SHLD3: variants seen among roughly 807,000 people sequenced by gnomAD.
SHLD3 encodes the protein REV7-interacting novel NHEJ regulator 1.
Under a neutral mutation model 21.4 loss-of-function variants are expected in SHLD3, and 15 were observed. The ratio of observed to expected loss-of-function variants is 0.70; its 90% CI spans 0.47 to 1.08. The LOEUF (loss-of-function observed/expected upper bound fraction) is 1.08, where lower values mean the gene tolerates loss of function less well. SHLD3 is among the 50% of genes least tolerant of loss of function. The probability of loss-of-function intolerance (pLI) is 0.00; values close to 1 mark genes in which losing one functional copy is unlikely to be tolerated. For missense variants in SHLD3, 273 were observed against 286.1 expected, an observed-to-expected ratio of 0.95 and a Z score of 0.33; for synonymous variants, 103 against 97.2, an observed-to-expected ratio of 1.06 and a Z score of -0.35.
chr5:65,628,532 G>A (rs546527826), intron 1 of SHLD3, among the ~76,000 whole-genome samples: 3 of 150,750 alleles, frequency 2.0e-5, no homozygotes, highest in South Asian at 2.1e-4. Flanking sequence ...GTACGATGGC[G>A]CGATCTCAGT....
chr5:65,627,131 C>CAAA (rs60169195), intron 1 of SHLD3, among the ~76,000 whole-genome samples: 912 of 32,558 alleles, frequency 0.028, 229 homozygotes, highest in African/African-American at 0.069. Context: ...GACCCTGTCT[C>CAAA]AAAAAAAAAA....
At position 65,626,525 on chromosome 5, in the gene SHLD3, C is replaced by T. The variant is rs78545708; in HGVS notation, c.-121+1419C>T. On this transcript the variant is annotated intron_variant, in intron 1 of 1. Coordinates refer to ENST00000510585, the MANE Select transcript of SHLD3 (RefSeq NM_001365341.2). ...AGGCCAAGGCGGGTGATCACAAGGTCAAGAGATCAAGACCATCCTGGCTAA... is the reference window on the plus strand; with the variant it reads ...AGGCCAAGGCGGGTGATCACAAGGTTAAGAGATCAAGACCATCCTGGCTAA... 3.7e-3 allele frequency among the ~76,000 whole-genome samples: 567 copies of T among 152,162 alleles called. 2 individuals are homozygous for T. Among genetic ancestry groups the T allele is most frequent in the African/African-American group, 0.013 (524 of 41,514 alleles).
rs529854028 is a variant in SHLD3 at position 65,629,684 on chromosome 5, C to T, written c.97C>T (p.Arg33Cys). Residue 33 changes from arginine to cysteine, a missense_variant, in exon 2 of 2, where the codon CGT (arginine) becomes TGT (cysteine). Physicochemically the swap from Arg to Cys is radical, Grantham distance 180 (BLOSUM62 -3). Coordinates refer to ENST00000510585, the MANE Select transcript of SHLD3 (RefSeq NM_001365341.2). ...AEKAIQDFPTRPLSRFIPWFP... is the reference protein window; with the variant it reads ...AEKAIQDFPTCPLSRFIPWFP... ...AAAAGCAATTCAAGACTTTCCTACT[C>T]GTCCGCTATCAAGATTTATACCTTG... is the stretch of plus-strand genomic sequence containing the variant. The T allele has an allele frequency of 4.6e-6, 7 of 1,535,936 alleles. No homozygotes were observed. The highest frequency in any genetic ancestry group is 1.4e-5 in the African/African-American group (1 of 73,052).
chr5:65,629,651 A>G lies in SHLD3; in HGVS notation c.64A>G (p.Ile22Val). 6.5e-7 allele frequency: 1 copy of G among 1,536,096 alleles called. No homozygotes were observed. Among genetic ancestry groups the G allele is most frequent in the Non-Finnish European group, 8.7e-7 (1 of 1,146,880 alleles). The change falls in exon 2 of 2, where the codon ATT becomes GTT. Residue 22 changes from isoleucine (I) to valine (V), a missense_variant. Physicochemically the swap from Ile to Val is conservative, Grantham distance 29. Transcript: ENST00000510585. ...CESDPTQLPK[I>V]AEKAIQDFPT... The stretch of plus-strand genomic sequence containing the variant: ...GAGTGATCCCACACAACTGCCAAAA[A>G]TTGCAGAAAAAGCAATTCAAGACTT...
intron 1 of SHLD3, among the ~76,000 whole-genome samples, chr5:65,628,937 C>T (rs1347663393): frequency 6.6e-6 from 1 of 151,974 alleles, no homozygotes; most frequent in African/African-American, 2.4e-5. Context: ...CCTGCCTCAG[C>T]TTCCCTAGTA....
chr5:65,625,113 T>G lies in SHLD3; in HGVS notation c.-121+7T>G. 1.2e-6 allele frequency: 2 copies of G among 1,612,512 alleles called. No individual in the cohort carries two copies. Among genetic ancestry groups the G allele is most frequent in the East Asian group, 2.2e-5 (1 of 44,870 alleles). ...CACCTGCTGGCGCTAAAAGGTAAAC[T>G]TTTGCGAACCTGATTCCCCCTTTTC... On this transcript the variant is annotated splice_region_variant and intron_variant, in intron 1 of 1. Transcript: ENST00000510585.
chr5:65,625,368 T>C (rs1483127184), intron 1 of SHLD3: 3 of 428,986 alleles, frequency 7.0e-6, no homozygotes, highest in Non-Finnish European at 1.2e-5. Context: ...CCGCAGAAGC[T>C]GACGTCCCGC....
At position 65,625,506 on chromosome 5, in the gene SHLD3, C is replaced by A. The variant is rs146165388; in HGVS notation, c.-121+400C>A. 3.3e-3 allele frequency: 701 copies of A among 209,340 alleles called. 4 individuals are homozygous for A. Among genetic ancestry groups the A allele is most frequent in the Non-Finnish European group, 5.0e-3 (519 of 103,834 alleles). 13.0% of individuals were successfully genotyped at this position (209,340 alleles called of 1,614,324 possible). ...AGCTTCCCCTGTAAAATTAGTATTG[C>A]ATGACAGTAGTGCAGAGAATTTAGC... On this transcript the variant is annotated intron_variant, in intron 1 of 1. Transcript: ENST00000510585.
Position 65,629,697 on chromosome 5 carries a change from G to C in SHLD3, c.110G>C (p.Arg37Thr), listed in dbSNP as rs892357474. The change falls in exon 2 of 2, where the codon AGA becomes ACA. Residue 37 changes from arginine (R) to threonine (T), a missense_variant. Physicochemically the swap from Arg to Thr is moderately conservative, Grantham distance 71 (BLOSUM62 -1). Transcript: ENST00000510585. ...IQDFPTRPLS[R>T]FIPWFPYDGS... Reference sequence around the variant, plus strand: ...GACTTTCCTACTCGTCCGCTATCAAGATTTATACCTTGGTTTCCATATGAT... The same window carrying C: ...GACTTTCCTACTCGTCCGCTATCAACATTTATACCTTGGTTTCCATATGAT... 1 of 1,536,030 alleles carries C rather than the reference G, an allele frequency of 6.5e-7. No homozygotes were observed. Among genetic ancestry groups the C allele is most frequent in the African/African-American group, 1.4e-5 (1 of 73,166 alleles).
At chr5:65,625,259 C>T (rs1455246199) in intron 1 of SHLD3, 153 bp downstream of exon 1, 10 of 673,968 alleles carry the variant, frequency 1.5e-5, no homozygotes, top group East Asian at 5.4e-5. Context: ...GCGATTTCTC[C>T]TGGATGCTTT....
intron 1 of SHLD3, 90 bp downstream of exon 1, chr5:65,625,196 A>C (rs527535319): frequency 9.1e-7 from 1 of 1,093,534 alleles, no homozygotes; most frequent in African/African-American, 1.5e-5. Flanking sequence ...CATCCTTCTT[A>C]AACACTCAGT....
At chr5:65,627,090 C>G (rs535144109) in intron 1 of SHLD3, among the ~76,000 whole-genome samples, 100 of 133,730 alleles carry the variant, frequency 7.5e-4, no homozygotes, top group African/African-American at 2.8e-3. Context: ...TGAGATTGCG[C>G]CACTGCACTC....
intron 1 of SHLD3, 44 bp from the exon 2 acceptor site, chr5:65,629,424 G>T (rs1426899812): frequency 2.8e-5 from 37 of 1,303,282 alleles, no homozygotes; most frequent in Middle Eastern, 2.9e-4. Context: ...TGGTAGGCAG[G>T]GTATCCCTAC....
At position 65,630,476 on chromosome 5, in the gene SHLD3, T is replaced by C. The variant is rs1755494220; in HGVS notation, c.*136T>C. The C allele has an allele frequency of 7.2e-7, 1 of 1,387,204 alleles. No individual in the cohort carries two copies. 85.9% of individuals were successfully genotyped at this position (1,387,204 alleles called of 1,614,324 possible). A position where few individuals can be genotyped will look rare whatever the true frequency, so the allele number is the denominator to read the frequency against. ...TAGGCTTGTCAATTAAGTCAAGAAATTGCTGAGTTCTGCTTATTGGCAGCC... is the reference window on the plus strand; with the variant it reads ...TAGGCTTGTCAATTAAGTCAAGAAACTGCTGAGTTCTGCTTATTGGCAGCC... On this transcript the variant is annotated 3_prime_UTR_variant, in exon 2 of 2. Coordinates refer to ENST00000510585, the MANE Select transcript of SHLD3 (RefSeq NM_001365341.2).
chr5:65,627,131 CAAAAAAAAAA>C (rs60169195), intron 1 of SHLD3, among the ~76,000 whole-genome samples: 3 of 32,552 alleles, frequency 9.2e-5, no homozygotes, highest in African/African-American at 2.0e-4. Flanking sequence ...GACCCTGTCT[CAAAAAAAAAA>C]AAAAAAAAAA....
intron 1 of SHLD3, chr5:65,626,095 GC>G (rs75140743): frequency 0.62 from 94,220 of 151,942 alleles, 29,468 homozygotes; most frequent in South Asian, 0.65. Context: ...CTTAACCTGA[GC>G]AAATGATCTA....
chr5:65,630,360 A>G lies in SHLD3; in HGVS notation c.*20A>G, dbSNP rs1334332478. The G allele has an allele frequency of 4.8e-6, 7 of 1,469,820 alleles. No homozygotes were observed. Among genetic ancestry groups the G allele is most frequent in the Non-Finnish European group, 6.3e-6 (7 of 1,115,230 alleles). The allele number at this position is 1,469,820 out of a possible 1,614,324, so 91.0% of individuals were successfully genotyped here. ...ATGTAATGAATTCCACTGATTGTCA[A>G]AAAGAATATTCTGAATGAAATGAAT... On this transcript the variant is annotated 3_prime_UTR_variant, in exon 2 of 2. Transcript: ENST00000510585.
Position 65,630,487 on chromosome 5 carries a change from T to C in SHLD3, c.*147T>C. ...ATTAAGTCAAGAAATTGCTGAGTTC[T>C]GCTTATTGGCAGCCTTCTTTTAAAT... is the stretch of plus-strand genomic sequence containing the variant. On this transcript the variant is annotated 3_prime_UTR_variant, in exon 2 of 2. Coordinates refer to ENST00000510585, the MANE Select transcript of SHLD3 (RefSeq NM_001365341.2). 4 of 1,379,290 alleles carry C rather than the reference T, an allele frequency of 2.9e-6. No individual in the cohort carries two copies. The highest frequency in any genetic ancestry group is 2.8e-6 in the Non-Finnish European group (3 of 1,073,128). The allele number at this position is 1,379,290 out of a possible 1,614,324, so 85.4% of individuals were successfully genotyped here. A position where few individuals can be genotyped will look rare whatever the true frequency, so the allele number is the denominator to read the frequency against.
intron 1 of SHLD3, among the ~76,000 whole-genome samples, chr5:65,626,535 A>G (rs572449605): frequency 2.0e-5 from 3 of 152,142 alleles, no homozygotes; most frequent in South Asian, 4.2e-4. Flanking sequence ...CAAGAGATCA[A>G]GACCATCCTG....
Sources: allele counts gnomAD v4.1 joint callset (sites outside exome capture counted in the v4.1 genomes callset), GRCh38; gene constraint gnomAD v4.1.1; transcripts MANE v1.5; gene names NCBI Gene and HGNC (gene_info 2026-07-23, HGNC 2026-07-21).